Variants in CCDC102B observed in about 807,000 individuals in gnomAD.
The protein encoded by CCDC102B is coiled-coil domain containing 102B.
A neutral mutation model predicts 57.4 loss-of-function variants in CCDC102B; 75 were observed. That is an observed-to-expected ratio of 1.31 (90% confidence interval 1.08 to 1.58). The LOEUF (loss-of-function observed/expected upper bound fraction) is 1.58. Among genes scored for constraint, CCDC102B ranks in the 40% most tolerant of loss-of-function variants. The pLI is 0.00. For synonymous variants in CCDC102B, 206 were observed against 201.9 expected, an observed-to-expected ratio of 1.02 and a Z score of -0.17; for missense variants, 636 against 582.6, an observed-to-expected ratio of 1.09 and a Z score of -0.94.
chr18:68,759,969 G>A (rs1011657644), intron 2 of CCDC102B, among the ~76,000 whole-genome samples: 5 of 151,906 alleles, frequency 3.3e-5, no homozygotes, highest in Non-Finnish European at 5.9e-5. Context: ...TCACTGCAGG[G>A]GTATAAAGGC....
intron 4 of CCDC102B, among the ~76,000 whole-genome samples, chr18:68,858,172 C>T (rs1487481550): frequency 6.6e-6 from 1 of 152,142 alleles, no homozygotes; most frequent in Non-Finnish European, 1.5e-5. Context: ...TTTCTGTCAC[C>T]ATAGATTAGT....
chr18:68,723,950 G>A (rs2032477115), intron 2 of CCDC102B, among the ~76,000 whole-genome samples: 1 of 152,198 alleles, frequency 6.6e-6, no homozygotes, highest in South Asian at 2.1e-4. Flanking sequence ...TGAGGACTAT[G>A]CCTCTGTAAC....
At chr18:68,973,773 T>C (rs368581940) in intron 6 of CCDC102B, among the ~76,000 whole-genome samples, 18 of 152,230 alleles carry the variant, frequency 1.2e-4, no homozygotes, top group African/African-American at 3.9e-4. Context: ...GTACAAACAG[T>C]GTAATTTTTC....
At chr18:68,933,440 A>G (rs770444109) in intron 6 of CCDC102B, among the ~76,000 whole-genome samples, 4 of 151,716 alleles carry the variant, frequency 2.6e-5, no homozygotes, top group Non-Finnish European at 5.9e-5. Context: ...GTTCTTTGTG[A>G]TTTTTCTCCA....
At chr18:68,961,979 T>A (rs540864773) in intron 6 of CCDC102B, among the ~76,000 whole-genome samples, 3 of 152,082 alleles carry the variant, frequency 2.0e-5, no homozygotes, top group Non-Finnish European at 4.4e-5. Flanking sequence ...TTTTTATATA[T>A]TGAACATGTC....
intron 2 of CCDC102B, among the ~76,000 whole-genome samples, chr18:68,790,146 G>A (rs1229917595): frequency 3.3e-5 from 5 of 150,802 alleles, no homozygotes; most frequent in South Asian, 2.1e-4. Flanking sequence ...CTGCTCAGGG[G>A]TCAGGGGTCA....
At chr18:68,775,119 A>G (rs968522202) in intron 2 of CCDC102B, among the ~76,000 whole-genome samples, 9 of 151,014 alleles carry the variant, frequency 6.0e-5, no homozygotes, top group Non-Finnish European at 1.0e-4. Flanking sequence ...TTACAACTGG[A>G]GATTATGTTG....
intron 2 of CCDC102B, chr18:68,755,096 C>G (rs2034000526): frequency 6.6e-6 from 1 of 152,120 alleles, no homozygotes; most frequent in Non-Finnish European, 1.5e-5. Flanking sequence ...TCTATTCTTT[C>G]ATCTGGATTT....
At chr18:68,832,176 G>A (rs2144771362) in intron 1 of CCDC102B, among the ~76,000 whole-genome samples, 1 of 152,128 alleles carries the variant, frequency 6.6e-6, no homozygotes, top group Middle Eastern at 3.4e-3. Context: ...TAAACAATAA[G>A]ACAAAAATCT....
chr18:68,902,079 T>C (rs1278829513), intron 6 of CCDC102B: 1 of 152,210 alleles, frequency 6.6e-6, no homozygotes, highest in East Asian at 1.9e-4. Context: ...ATGGCAATTA[T>C]TAATAATTTG....
At chr18:68,869,182 T>C (rs17079802) in intron 4 of CCDC102B, among the ~76,000 whole-genome samples, 25,514 of 152,076 alleles carry the variant, frequency 0.17, 2,835 homozygotes, top group African/African-American at 0.3. Context: ...GATTTATGAA[T>C]GTAGAAAGGA....
chr18:68,740,899 A>G (rs1364554672), intron 2 of CCDC102B, among the ~76,000 whole-genome samples: 2 of 152,206 alleles, frequency 1.3e-5, no homozygotes, highest in Non-Finnish European at 2.9e-5. Context: ...TACCTTATCT[A>G]TCAGTTTGCT....
In CCDC102B at chr18:68,825,561, G is replaced by A. The variant is rs28368301; in HGVS notation, c.-15-11188G>A. ...AAAAATTAGTCAGGCATGGTGGTGCGTGCCTGTAGCCCCAGCTACTCATGA... is the reference window on the plus strand; with the variant it reads ...AAAAATTAGTCAGGCATGGTGGTGCATGCCTGTAGCCCCAGCTACTCATGA... On this transcript the variant is annotated intron_variant, in intron 1 of 7. Transcript: ENST00000360242. 2.0e-3 allele frequency among the ~76,000 whole-genome samples: 299 copies of A among 152,126 alleles called. 2 individuals carry two copies. Among genetic ancestry groups the A allele is most frequent in the African/African-American group, 6.5e-3 (268 of 41,508 alleles).
rs2050669089 is a variant in CCDC102B, at chr18:68,984,340, A to G, written c.1264-26594A>G. Reference sequence around the variant, plus strand: ...CTAATACACAAATTCAACTATAGAAATGCCATAAATTGCAGAGTAAATCTG... The same window carrying G: ...CTAATACACAAATTCAACTATAGAAGTGCCATAAATTGCAGAGTAAATCTG... On this transcript the variant is annotated intron_variant, in intron 6 of 7. Transcript: ENST00000360242. 3.9e-5 allele frequency among the ~76,000 whole-genome samples: 6 copies of G among 152,086 alleles called. No individual in the cohort carries two copies. In the South Asian group the frequency reaches 1.2e-3, roughly 31 times the overall value.
At chr18:68,815,709 G>GACAC (rs1555706127) in intron 1 of CCDC102B, among the ~76,000 whole-genome samples, 37 of 115,530 alleles carry the variant, frequency 3.2e-4, no homozygotes, top group Admixed American at 1.2e-3. Context: ...CACACACACT[G>GACAC]AACTCTGGTT....
intron 4 of CCDC102B, 97 bp from the exon 5 acceptor site, chr18:68,874,572 C>A (rs2039369795): frequency 4.2e-6 from 3 of 714,844 alleles, no homozygotes; most frequent in African/African-American, 1.8e-5. Context: ...AGGAAAAAGG[C>A]AAAACAACAC....
chr18:68,817,426 T>C (rs2036527411), intron 1 of CCDC102B, among the ~76,000 whole-genome samples: 1 of 152,260 alleles, frequency 6.6e-6, no homozygotes, highest in Non-Finnish European at 1.5e-5. Context: ...TGCCATCATT[T>C]TTTGCATTTT....
intron 6 of CCDC102B, among the ~76,000 whole-genome samples, chr18:68,990,620 C>T (rs959429503): frequency 2.0e-5 from 3 of 152,006 alleles, no homozygotes; most frequent in Non-Finnish European, 2.9e-5. Context: ...ACTTTTTATT[C>T]CCCATTATAT....
At chr18:68,850,616 GA>G (rs2144833195) in intron 4 of CCDC102B, among the ~76,000 whole-genome samples, 1 of 152,170 alleles carries the variant, frequency 6.6e-6, no homozygotes, top group Non-Finnish European at 1.5e-5. Context: ...CACAGGGATG[GA>G]TGTTTTGAGT....
Sources: allele counts gnomAD v4.1 joint callset (sites outside exome capture counted in the v4.1 genomes callset), GRCh38; gene constraint gnomAD v4.1.1; transcripts MANE v1.5; gene names NCBI Gene and HGNC (gene_info 2026-07-23, HGNC 2026-07-21).